NHSL1: variants seen among roughly 807,000 people sequenced by gnomAD.
NHSL1 encodes the protein NHS-like protein 1.
A neutral mutation model predicts 95.0 loss-of-function variants in NHSL1; 48 were observed. The ratio of observed to expected loss-of-function variants is 0.51; its 90% CI spans 0.40 to 0.64. The LOEUF (loss-of-function observed/expected upper bound fraction) is 0.64, where lower values mean the gene tolerates loss of function less well. Ranked by LOEUF, NHSL1 falls within the 30% of genes least tolerant of loss-of-function variation. The pLI is 0.00. For synonymous variants in NHSL1, 783 were observed against 833.9 expected, an observed-to-expected ratio of 0.94 and a Z score of 1.05; for missense variants, 1,971 against 2,077.7, an observed-to-expected ratio of 0.95 and a Z score of 1.00.
At chr6:138,618,569 T>A (rs1386281643) in intron 1 of NHSL1, among the ~76,000 whole-genome samples, 1 of 152,190 alleles carries the variant, frequency 6.6e-6, no homozygotes, top group Non-Finnish European at 1.5e-5. Context: ...ATGTATGATA[T>A]CTTAGCAACA....
intron 3 of NHSL1, among the ~76,000 whole-genome samples, chr6:138,461,313 T>A (rs72973283): frequency 0.14 from 20,631 of 152,188 alleles, 1,429 homozygotes; most frequent in Middle Eastern, 0.17. Context: ...ACTTAAAGCC[T>A]TGGGACTCAG....
intron 1 of NHSL1, among the ~76,000 whole-genome samples, chr6:138,608,238 T>C (rs367585230): frequency 9.9e-5 from 15 of 152,264 alleles, no homozygotes; most frequent in African/African-American, 3.6e-4. Flanking sequence ...TGAAAATTAC[T>C]TTGAATGACA....
At chr6:138,690,764 GAA>G (rs1785655468) in intron 1 of NHSL1, among the ~76,000 whole-genome samples, 1 of 152,154 alleles carries the variant, frequency 6.6e-6, no homozygotes, top group African/African-American at 2.4e-5. Context: ...ACAAACTTGT[GAA>G]AAGTTTTGAA....
intron 5 of NHSL1, among the ~76,000 whole-genome samples, chr6:138,436,655 C>T (rs368303833): frequency 2.0e-5 from 3 of 152,188 alleles, no homozygotes; most frequent in Admixed American, 6.5e-5. Flanking sequence ...GTAGATGAAA[C>T]GACCTTCTAG....
chr6:138,684,648 AAAACAAACAAAC>A (rs1010510891), intron 1 of NHSL1, among the ~76,000 whole-genome samples: 1 of 151,808 alleles, frequency 6.6e-6, no homozygotes, highest in Non-Finnish European at 1.5e-5. Flanking sequence ...CCGTCTCAGA[AAAACAAACAAAC>A]AAACAAACAA....
At chr6:138,577,901 T>C (rs1224833020) in intron 1 of NHSL1, among the ~76,000 whole-genome samples, 1 of 151,964 alleles carries the variant, frequency 6.6e-6, no homozygotes, top group African/African-American at 2.4e-5. Flanking sequence ...GCAAACACAT[T>C]CCCCATAGTA....
intron 3 of NHSL1, among the ~76,000 whole-genome samples, chr6:138,455,886 A>G (rs1254506065): frequency 1.3e-5 from 2 of 152,250 alleles, no homozygotes; most frequent in African/African-American, 4.8e-5. Flanking sequence ...GGGTGGAACA[A>G]AAGACGAGAT....
chr6:138,571,408 T>C (rs1402009559), intron 1 of NHSL1: 1 of 327,200 alleles, frequency 3.1e-6, no homozygotes, highest in Non-Finnish European at 5.7e-6. Context: ...TGGTGGGTGG[T>C]TTATCATTGA....
At chr6:138,650,333 C>T in intron 1 of NHSL1, 1 of 921,796 alleles carries the variant, frequency 1.1e-6, no homozygotes, top group South Asian at 1.3e-5. Flanking sequence ...AGGATTTGAA[C>T]ACCGGGGAGT....
chr6:138,670,261 C>G (rs1025478847), intron 1 of NHSL1, among the ~76,000 whole-genome samples: 1 of 151,918 alleles, frequency 6.6e-6, no homozygotes. Flanking sequence ...CCCTCACCCT[C>G]TTACATGAAT....
intron 1 of NHSL1, among the ~76,000 whole-genome samples, chr6:138,521,471 A>T (rs1224058623): frequency 6.6e-6 from 1 of 152,164 alleles, no homozygotes; most frequent in East Asian, 1.9e-4. Flanking sequence ...GCCTCAAACA[A>T]AACAAAACAG....
At chr6:138,425,098 ATTTAT>A (rs1263209790) in intron 7 of NHSL1, among the ~76,000 whole-genome samples, 3 of 151,946 alleles carry the variant, frequency 2.0e-5, no homozygotes, top group Non-Finnish European at 4.4e-5. Context: ...TAAATGCATA[ATTTAT>A]TTTATTTTTT....
rs1211120864 is a variant in NHSL1 at position 138,437,438 on chromosome 6, ACACACAC to A, written c.665-3765_665-3759del. Among the ~76,000 whole-genome samples, 107 of 38,910 alleles carry A rather than the reference ACACACAC, an allele frequency of 2.7e-3. 9 individuals carry two copies. Among genetic ancestry groups the A allele is most frequent in the South Asian group, 6.5e-3 (6 of 924 alleles). 25.5% of individuals were successfully genotyped at this position (38,910 alleles called of 152,430 possible). A position where few individuals can be genotyped will look rare whatever the true frequency, so the allele number is the denominator to read the frequency against. ...TACACACACACACACACACACACAC[ACACACAC>A]AAAAAAAAAAAAAAAAAATACAATG... On this transcript the variant is annotated intron_variant, in intron 5 of 7. Transcript: ENST00000343505.
chr6:138,566,587 T>TAA (rs147113250), intron 1 of NHSL1, among the ~76,000 whole-genome samples: 1 of 150,042 alleles, frequency 6.7e-6, no homozygotes, highest in East Asian at 1.9e-4. Context: ...TTTCATAATT[T>TAA]AAAAAAAAAC....
intron 1 of NHSL1, among the ~76,000 whole-genome samples, chr6:138,659,967 T>C (rs1785206159): frequency 1.3e-5 from 2 of 152,156 alleles, no homozygotes; most frequent in Non-Finnish European, 2.9e-5. Context: ...CCACCTGCCT[T>C]GGCCTCCCAA....
intron 3 of NHSL1, among the ~76,000 whole-genome samples, 175 bp from the exon 4 acceptor site, chr6:138,447,368 T>C (rs560572238): frequency 4.8e-4 from 73 of 152,326 alleles, no homozygotes; most frequent in Non-Finnish European, 9.0e-4. Context: ...ACCTATAATA[T>C]GCATGATTCA....
chr6:138,429,142 G>A (rs1775456747), intron 7 of NHSL1, among the ~76,000 whole-genome samples: 1 of 152,126 alleles, frequency 6.6e-6, no homozygotes, highest in Non-Finnish European at 1.5e-5. Context: ...GATTTCTGAT[G>A]CCAGTAGATG....
At chr6:138,475,226 C>A (rs1411852567) in intron 2 of NHSL1, among the ~76,000 whole-genome samples, 2 of 143,430 alleles carry the variant, frequency 1.4e-5, no homozygotes, top group Non-Finnish European at 3.1e-5. Context: ...TAGTTTTCTT[C>A]TTTTTTTTTT....
chr6:138,432,503 G>A lies in NHSL1; in HGVS notation c.1842C>T (p.Asp614=). 1 of 1,552,174 alleles carries A rather than the reference G, an allele frequency of 6.4e-7. No individual in the cohort carries two copies. Among genetic ancestry groups the A allele is most frequent in the Non-Finnish European group, 8.7e-7 (1 of 1,146,994 alleles). The change falls in exon 6 of 8, where the codon GAC becomes GAT. Residue 614 remains aspartate (D), a synonymous_variant. Coordinates refer to ENST00000343505, the MANE Select transcript of NHSL1 (RefSeq NM_001144060.2). This position sits in a 1 kb window ranked among gnomAD's most constrained non-coding sequence, Gnocchi z 4.4. ...ACAGATTCCCAGATCCATGTCCAGA[G>A]TCAGTGTGCACAGATGCACAGTAGC... ...HDGYCASVHT[D]SGHGSGNLCN...
Sources: allele counts gnomAD v4.1 joint callset (sites outside exome capture counted in the v4.1 genomes callset), GRCh38; gene constraint gnomAD v4.1.1; non-coding constraint Gnocchi (gnomAD v3.1); transcripts MANE v1.5; gene names NCBI Gene and HGNC (gene_info 2026-07-23, HGNC 2026-07-21).